Variants in PDE1C observed in about 807,000 individuals in gnomAD.
PDE1C encodes the protein dual specificity calcium/calmodulin-dependent 3',5'-cyclic nucleotide phosphodiesterase 1C.
Under a neutral mutation model 93.1 loss-of-function variants are expected in PDE1C, and 62 were observed. That is an observed-to-expected ratio of 0.67 (90% CI 0.54 to 0.82). PDE1C has a LOEUF of 0.82. Ranked by LOEUF, PDE1C falls within the 40% of genes least tolerant of loss-of-function variation. The probability of loss-of-function intolerance (pLI) is 0.00; values close to 1 mark genes in which losing one functional copy is unlikely to be tolerated. For missense variants in PDE1C, 742 were observed against 884.6 expected (o/e 0.84, Z 2.04); for synonymous variants, 325 against 310.1 (o/e 1.05, Z -0.50).
At chr7:31,973,023 G>T (rs1270276395) in intron 2 of PDE1C, among the ~76,000 whole-genome samples, 2 of 152,256 alleles carry the variant, frequency 1.3e-5, no homozygotes, top group South Asian at 2.1e-4. Context: ...GCTCCTGCAG[G>T]CTTGGCATCT....
At chr7:32,041,356 G>A (rs1026282170) in intron 2 of PDE1C, among the ~76,000 whole-genome samples, 12 of 152,044 alleles carry the variant, frequency 7.9e-5, no homozygotes, top group African/African-American at 2.7e-4. Flanking sequence ...AAAGACTACA[G>A]ACACACCCTT....
intron 2 of PDE1C, among the ~76,000 whole-genome samples, chr7:31,980,585 A>G (rs1003753297): frequency 2.0e-5 from 3 of 152,178 alleles, no homozygotes; most frequent in African/African-American, 7.2e-5. Context: ...CCTGTGACCA[A>G]CTTGCTTCCT....
intron 1 of PDE1C, among the ~76,000 whole-genome samples, chr7:32,348,985 G>A (rs1033017473): frequency 3.3e-5 from 5 of 152,216 alleles, no homozygotes; most frequent in African/African-American, 1.2e-4. Flanking sequence ...GGATAAGACT[G>A]CTCCTTGAAG....
At chr7:31,994,894 C>G (rs1418085085) in intron 2 of PDE1C, among the ~76,000 whole-genome samples, 2 of 152,122 alleles carry the variant, frequency 1.3e-5, no homozygotes, top group South Asian at 2.1e-4. Flanking sequence ...TGCTTGTTTA[C>G]CAATAAGTCC....
intron 2 of PDE1C, among the ~76,000 whole-genome samples, chr7:31,939,659 T>C (rs1423561007): frequency 6.6e-6 from 1 of 152,168 alleles, no homozygotes; most frequent in Admixed American, 6.5e-5. Context: ...CAGTTCTCAC[T>C]TTACTTGACT....
intron 2 of PDE1C, among the ~76,000 whole-genome samples, chr7:32,172,142 A>ACATTAC (rs1356058516): frequency 2.6e-5 from 4 of 152,126 alleles, no homozygotes; most frequent in African/African-American, 7.2e-5. Flanking sequence ...GAGCCTGAAG[A>ACATTAC]CATTACCATT....
the PDE1C span, among the ~76,000 whole-genome samples, chr7:31,628,447 CCTTTT>C: frequency 1.3e-5 from 2 of 149,102 alleles, no homozygotes; most frequent in Non-Finnish European, 3.0e-5. Context: ...AAGCGTGATT[CCTTTT>C]TTTTTTTTCT....
chr7:31,894,200 C>T (rs868460288), intron 2 of PDE1C, among the ~76,000 whole-genome samples: 1 of 152,146 alleles, frequency 6.6e-6, no homozygotes, highest in Non-Finnish European at 1.5e-5. Context: ...TTTTAAAGCT[C>T]CAGAGGTGGT....
intron 1 of PDE1C, among the ~76,000 whole-genome samples, chr7:32,234,299 A>T (rs1383729005): frequency 6.6e-6 from 1 of 152,010 alleles, no homozygotes; most frequent in African/African-American, 2.4e-5. Context: ...AACAACAAAG[A>T]AAACCAATCA....
At chr7:32,095,182 A>T (rs1045401115) in intron 3 of PDE1C, among the ~76,000 whole-genome samples, 9 of 152,244 alleles carry the variant, frequency 5.9e-5, no homozygotes, top group Non-Finnish European at 1.3e-4. Context: ...TTACAAAAAA[A>T]ACAGCCTTGC....
chr7:32,169,099 T>C (rs1410844757), intron 3 of PDE1C, among the ~76,000 whole-genome samples: 2 of 152,152 alleles, frequency 1.3e-5, no homozygotes, highest in Non-Finnish European at 1.5e-5. Context: ...GTAAATATAC[T>C]GTTTCAAATG....
At chr7:31,838,016 G>C (rs749678878) in intron 9 of PDE1C, 45 bp from the exon 10 acceptor site, 1 of 1,298,572 alleles carries the variant, frequency 7.7e-7, no homozygotes, top group Admixed American at 1.8e-5. Context: ...AGTCAAAAAT[G>C]GAAAGTAAAA....
intron 2 of PDE1C, among the ~76,000 whole-genome samples, chr7:32,011,786 A>G (rs1262003296): frequency 2.0e-5 from 3 of 152,206 alleles, no homozygotes; most frequent in African/African-American, 7.2e-5. Flanking sequence ...ACCATTAAAC[A>G]TGCAGCTACT....
chr7:31,845,759 G>A (rs917996525), intron 9 of PDE1C, among the ~76,000 whole-genome samples: 6 of 152,166 alleles, frequency 3.9e-5, no homozygotes, highest in African/African-American at 9.7e-5. Flanking sequence ...GGGAGGCCAA[G>A]GCTAGTGGGT....
chr7:32,188,579 CT>C (rs1292687291), intron 2 of PDE1C, among the ~76,000 whole-genome samples: 1 of 152,042 alleles, frequency 6.6e-6, no homozygotes, highest in African/African-American at 2.4e-5. Context: ...CTAAAAACAC[CT>C]GTTTCTCTTC....
chr7:31,997,816 C>A (rs537595655), intron 2 of PDE1C, among the ~76,000 whole-genome samples: 1 of 152,036 alleles, frequency 6.6e-6, no homozygotes, highest in Non-Finnish European at 1.5e-5. Flanking sequence ...TCAAAGAAAA[C>A]GTACATGTGA....
At chr7:31,790,926 A>C (rs947795354) in intron 16 of PDE1C, among the ~76,000 whole-genome samples, 1 of 152,150 alleles carries the variant, frequency 6.6e-6, no homozygotes, top group Non-Finnish European at 1.5e-5. Flanking sequence ...TTAAAACAAC[A>C]ACCACAACAA....
chr7:32,297,583 T>C (rs895345894), intron 1 of PDE1C, among the ~76,000 whole-genome samples: 1 of 151,920 alleles, frequency 6.6e-6, no homozygotes, highest in Non-Finnish European at 1.5e-5. Context: ...GGGCGGAAGG[T>C]AGAAGTATCA....
intron 1 of PDE1C, among the ~76,000 whole-genome samples, chr7:32,401,138 T>C (rs757832433): frequency 4.6e-5 from 7 of 152,248 alleles, no homozygotes; most frequent in Non-Finnish European, 8.8e-5. Context: ...AAAAATATTT[T>C]GATATGTACT....
Sources: gnomAD v4.1 joint callset for allele counts (sites outside exome capture counted in the v4.1 genomes callset) on GRCh38, gnomAD v4.1.1 for gene constraint, MANE v1.5 for transcripts, NCBI Gene and HGNC (gene_info 2026-07-23, HGNC 2026-07-21) for gene names.